The following PABPC4L variants were observed in gnomAD, a reference collection of about 807,000 sequenced individuals.
The protein encoded by PABPC4L is polyadenylate-binding protein 4-like.
For synonymous variants in PABPC4L, 169 were observed against 164.1 expected (o/e 1.03, Z -0.23); for missense variants, 452 against 451.4 (o/e 1.00, Z -0.01).
the PABPC4L span, among the ~76,000 whole-genome samples, chr4:133,953,750 C>A: frequency 6.6e-6 from 1 of 152,140 alleles, no homozygotes; most frequent in Admixed American, 6.6e-5. Flanking sequence ...GATGGCAGGA[C>A]TCATTGCCTG....
the PABPC4L span, among the ~76,000 whole-genome samples, chr4:133,963,788 G>T: frequency 6.6e-6 from 1 of 152,054 alleles, no homozygotes; most frequent in African/African-American, 2.4e-5. Context: ...TGACAATAGT[G>T]ACACAACCTA....
At chr4:133,956,196 T>C in the PABPC4L span, among the ~76,000 whole-genome samples, 5 of 152,200 alleles carry the variant, frequency 3.3e-5, no homozygotes, top group Non-Finnish European at 7.3e-5. Flanking sequence ...AAAAACACTT[T>C]TAAGGATACT....
In PABPC4L at chr4:134,198,663, G is replaced by A. The variant is rs959860880; in HGVS notation, c.*1244C>T. 1 of 151,810 alleles carries A rather than the reference G, an allele frequency of 6.6e-6. No homozygotes were observed. Among genetic ancestry groups the A allele is most frequent in the Non-Finnish European group, 1.5e-5 (1 of 67,796 alleles). The allele number at this position is 151,810 out of a possible 1,614,324, so 9.4% of individuals were successfully genotyped here. On this transcript the variant is annotated 3_prime_UTR_variant, in exon 2 of 2. Coordinates refer to ENST00000421491, the MANE Select transcript of PABPC4L (RefSeq NM_001114734.2). ...AATGTAATTAAATAACTCTTGCCTCGATTTCCAAATGGATTTGAAGCAGCA... is the reference window on the plus strand; with the variant it reads ...AATGTAATTAAATAACTCTTGCCTCAATTTCCAAATGGATTTGAAGCAGCA...
At chr4:134,101,929 A>G in the PABPC4L span, among the ~76,000 whole-genome samples, 1 of 151,532 alleles carries the variant, frequency 6.6e-6, no homozygotes, top group Non-Finnish European at 1.5e-5. Context: ...TTAACTTAGA[A>G]TATGTCACCA....
At chr4:134,128,353 C>T in the PABPC4L span, among the ~76,000 whole-genome samples, 1 of 152,104 alleles carries the variant, frequency 6.6e-6, no homozygotes. Flanking sequence ...TGCCTAGGCA[C>T]ATAGGCGTCA....
chr4:134,189,837 C>T, the PABPC4L span, among the ~76,000 whole-genome samples: 4 of 151,924 alleles, frequency 2.6e-5, no homozygotes, highest in African/African-American at 9.7e-5. Context: ...TTTACTTTCC[C>T]CTGATTTGGT....
At chr4:134,018,366 C>A in the PABPC4L span, among the ~76,000 whole-genome samples, 11 of 152,268 alleles carry the variant, frequency 7.2e-5, no homozygotes, top group East Asian at 2.1e-3. Context: ...GGTCTCTTCA[C>A]ACTGATGCGC....
chr4:134,109,628 A>C, the PABPC4L span, among the ~76,000 whole-genome samples: 1 of 151,988 alleles, frequency 6.6e-6, no homozygotes, highest in Admixed American at 6.6e-5. Flanking sequence ...TCCCACTGAT[A>C]AAAAAATTAA....
At chr4:134,012,993 G>A in the PABPC4L span, among the ~76,000 whole-genome samples, 1 of 152,008 alleles carries the variant, frequency 6.6e-6, no homozygotes, top group Non-Finnish European at 1.5e-5. Flanking sequence ...ATCATTGCAG[G>A]GACACCTCTC....
In PABPC4L at chr4:134,196,837, C is replaced by T. The variant is rs1386101670; in HGVS notation, c.*3070G>A. 1 of 149,612 alleles carries T rather than the reference C, an allele frequency of 6.7e-6. No homozygotes were observed. Among genetic ancestry groups the T allele is most frequent in the East Asian group, 2.0e-4 (1 of 5,104 alleles). The allele number at this position is 149,612 out of a possible 1,614,324, so 9.3% of individuals were successfully genotyped here. ...GTCTTTTTTTTTTTTACAGCAAATGCTGGAAATAAGCAATTTCTACTAAGA... is the reference window on the plus strand; with the variant it reads ...GTCTTTTTTTTTTTTACAGCAAATGTTGGAAATAAGCAATTTCTACTAAGA... On this transcript the variant is annotated 3_prime_UTR_variant, in exon 2 of 2. Transcript: ENST00000421491.
chr4:134,017,144 C>A, the PABPC4L span, among the ~76,000 whole-genome samples: 1 of 152,052 alleles, frequency 6.6e-6, no homozygotes, highest in South Asian at 2.1e-4. Context: ...TTCAGTGAAA[C>A]CTTTATATCC....
chr4:133,970,669 T>C, the PABPC4L span, among the ~76,000 whole-genome samples: 1 of 152,178 alleles, frequency 6.6e-6, no homozygotes, highest in Non-Finnish European at 1.5e-5. Context: ...TCAAAATTCA[T>C]ACGTTGAAAT....
chr4:134,144,813 C>T, the PABPC4L span, among the ~76,000 whole-genome samples: 1 of 151,600 alleles, frequency 6.6e-6, no homozygotes, highest in South Asian at 2.1e-4. Flanking sequence ...ATCTAAAATG[C>T]ATTTTTTAGT....
At chr4:134,132,827 T>C in the PABPC4L span, among the ~76,000 whole-genome samples, 1 of 149,042 alleles carries the variant, frequency 6.7e-6, no homozygotes, top group Non-Finnish European at 1.5e-5. Context: ...CATCAATCAA[T>C]AAGTGGTTAA....
At chr4:133,965,001 C>A in the PABPC4L span, among the ~76,000 whole-genome samples, 23 of 152,204 alleles carry the variant, frequency 1.5e-4, no homozygotes, top group East Asian at 4.4e-3. Context: ...TAAAGGACAT[C>A]TAAATTGGTA....
chr4:134,148,686 A>G, the PABPC4L span, among the ~76,000 whole-genome samples: 2 of 152,124 alleles, frequency 1.3e-5, 1 homozygote, highest in Non-Finnish European at 2.9e-5. Flanking sequence ...TTTTAACTAC[A>G]GACATATTTC....
chr4:134,081,605 A>G, the PABPC4L span, among the ~76,000 whole-genome samples: 1 of 152,152 alleles, frequency 6.6e-6, no homozygotes, highest in East Asian at 1.9e-4. Flanking sequence ...TCAAGGCACC[A>G]GATTGGGTTC....
Position 134,199,687 on chromosome 4 carries a change from T to C in PABPC4L, c.*220A>G, listed in dbSNP as rs1048974639. 13 of 534,380 alleles carry C rather than the reference T, an allele frequency of 2.4e-5. No homozygotes were observed. The highest frequency in any genetic ancestry group is 4.2e-5 in the Non-Finnish European group (13 of 311,080). 33.1% of individuals were successfully genotyped at this position (534,380 alleles called of 1,614,324 possible). On this transcript the variant is annotated 3_prime_UTR_variant, in exon 2 of 2. Transcript: ENST00000421491. ...TCAAAATAAGAAAAATGTGCAATAT[T>C]AAAATTAGAAAATGTGCCTCTGTAA... is the stretch of plus-strand genomic sequence containing the variant.
chr4:133,964,140 T>C, the PABPC4L span, among the ~76,000 whole-genome samples: 1 of 152,004 alleles, frequency 6.6e-6, no homozygotes, highest in Non-Finnish European at 1.5e-5. Flanking sequence ...ATGGGAGATA[T>C]TACAACTGAC....
Sources: allele counts gnomAD v4.1 joint callset (sites outside exome capture counted in the v4.1 genomes callset), GRCh38; gene constraint gnomAD v4.1.1; transcripts MANE v1.5; gene names NCBI Gene and HGNC (gene_info 2026-07-23, HGNC 2026-07-21).